The following UPF3A variants were observed in gnomAD, a reference collection of about 807,000 sequenced individuals.
UPF3A encodes the protein regulator of nonsense transcripts 3A.
In UPF3A, 42 loss-of-function variants were observed where a neutral mutation model predicts 53.5. The observed-to-expected ratio is 0.78, with a 90% CI of 0.61 to 1.01. The LOEUF (loss-of-function observed/expected upper bound fraction) is 1.01, where lower values mean the gene tolerates loss of function less well. Among genes scored for constraint, UPF3A ranks in the 50% least tolerant of loss-of-function variants. UPF3A has a pLI of 0.00. For synonymous variants in UPF3A, 237 were observed against 225.3 expected (o/e 1.05, Z -0.47); for missense variants, 575 against 598.0 (o/e 0.96, Z 0.40).
At chr13:114,302,613 C>T (rs889649497) in intron 9 of UPF3A, among the ~76,000 whole-genome samples, 1 of 152,216 alleles carries the variant, frequency 6.6e-6, no homozygotes, top group Admixed American at 6.5e-5. Flanking sequence ...TTCCAGTTCC[C>T]ACTCACCTCC....
At chr13:114,282,533 A>G (rs1274716632) in intron 2 of UPF3A, 1 of 985,300 alleles carries the variant, frequency 1.0e-6, no homozygotes, top group Non-Finnish European at 1.2e-6. Context: ...GAAGGTCCCC[A>G]AGTCAGGAGA....
intron 7 of UPF3A, among the ~76,000 whole-genome samples, chr13:114,295,747 G>A (rs560050599): frequency 6.4e-4 from 97 of 152,276 alleles, no homozygotes; most frequent in African/African-American, 2.0e-3. Context: ...TGCATCAGGC[G>A]CAAGTTCCTT....
chr13:114,299,207 G>T (rs28539632), intron 8 of UPF3A, among the ~76,000 whole-genome samples: 1 of 152,106 alleles, frequency 6.6e-6, no homozygotes, highest in Admixed American at 6.6e-5. Context: ...TCTTCAGATC[G>T]GGAGTTTCTT....
intron 7 of UPF3A, among the ~76,000 whole-genome samples, chr13:114,298,107 C>T (rs1298035850): frequency 6.6e-6 from 1 of 152,150 alleles, no homozygotes; most frequent in African/African-American, 2.4e-5. Flanking sequence ...CACGGTGGCT[C>T]ACGCCCATAA....
chr13:114,294,696 A>G (rs1454888177), intron 7 of UPF3A, among the ~76,000 whole-genome samples: 4 of 149,114 alleles, frequency 2.7e-5, no homozygotes, highest in Non-Finnish European at 5.9e-5. Flanking sequence ...GTGGTGGCAC[A>G]CGCCTGTAGT....
chr13:114,299,571 T>C (rs1490706349), intron 8 of UPF3A, among the ~76,000 whole-genome samples: 1 of 152,206 alleles, frequency 6.6e-6, no homozygotes, highest in Non-Finnish European at 1.5e-5. Flanking sequence ...GGTCCTCCCT[T>C]TTTCTTTTCC....
At chr13:114,289,967 T>A (rs1241256579) in intron 5 of UPF3A, among the ~76,000 whole-genome samples, 1 of 152,208 alleles carries the variant, frequency 6.6e-6, no homozygotes, top group Non-Finnish European at 1.5e-5. Flanking sequence ...GCCCGGCTCC[T>A]GGCTGACAAG....
rs2084036950 is a variant in UPF3A at position 114,281,815 on chromosome 13, C to T, written c.176C>T (p.Pro59Leu). Residue 59 changes from proline (P) to leucine (L), a missense_variant, in exon 1 of 10, where the codon CCT becomes CTT. Pro to Leu is a moderately conservative substitution (Grantham distance 98). Around this residue, in one of 2 missense-constraint regions of UPF3A, gnomAD observed 252 missense variants for 182.7 expected, o/e 1.38. Coordinates refer to ENST00000375299, the MANE Select transcript of UPF3A (RefSeq NM_023011.4). The stretch of plus-strand genomic sequence containing the variant: ...GGTTGCGGGGGCGGTGCGGGCAAAC[C>T]TCGCGAGGAGAAGAGGACGGCCCTG... ...SSGCGGGAGK[P>L]REEKRTALSK... is the part of the protein sequence containing the mutation. 1.3e-6 allele frequency: 2 copies of T among 1,545,994 alleles called. No individual in the cohort carries two copies. The highest frequency in any genetic ancestry group is 1.4e-5 in the African/African-American group (1 of 72,236).
chr13:114,288,862 G>A (rs2084996762), intron 5 of UPF3A, among the ~76,000 whole-genome samples: 1 of 152,144 alleles, frequency 6.6e-6, no homozygotes, highest in African/African-American at 2.4e-5. Flanking sequence ...TTTCACTTAA[G>A]AACTTGATAA....
In UPF3A at chr13:114,281,745, G is replaced by C. The variant is rs745703632; in HGVS notation, c.106G>C (p.Asp36His). 1.3e-5 allele frequency: 21 copies of C among 1,558,000 alleles called. No individual in the cohort carries two copies. In the South Asian group the frequency reaches 2.2e-4, roughly 17 times the overall value. Residue 36 changes from aspartate (D) to histidine (H), a missense_variant, in exon 1 of 10, where the codon GAC becomes CAC. Around this residue, in one of 2 missense-constraint regions of UPF3A, gnomAD observed 252 missense variants for 182.7 expected, o/e 1.38. Transcript: ENST00000375299. ...LSALEVQFHR[D>H]SQQQEAETPP... Reference sequence around the variant, plus strand: ...GGCCCTAGAAGTGCAGTTCCACCGCGACTCGCAGCAGCAGGAGGCTGAGAC... The same window carrying C: ...GGCCCTAGAAGTGCAGTTCCACCGCCACTCGCAGCAGCAGGAGGCTGAGAC...
intron 7 of UPF3A, among the ~76,000 whole-genome samples, chr13:114,294,509 C>T (rs940758794): frequency 2.0e-5 from 3 of 152,154 alleles, no homozygotes; most frequent in African/African-American, 7.2e-5. Flanking sequence ...AGTGATCCTC[C>T]CACTGCTGGG....
chr13:114,295,111 CAAAAAA>C, intron 7 of UPF3A, among the ~76,000 whole-genome samples: 1 of 85,404 alleles, frequency 1.2e-5, no homozygotes, highest in South Asian at 3.8e-4. Flanking sequence ...GACTCCGTCT[CAAAAAA>C]AAAAAAAAAA....
At chr13:114,299,959 A>G (rs146187359) in intron 8 of UPF3A, among the ~76,000 whole-genome samples, 163 of 152,236 alleles carry the variant, frequency 1.1e-3, no homozygotes, top group African/African-American at 3.7e-3. Flanking sequence ...TATTTTTTCT[A>G]CTTCTTGGGA....
chr13:114,296,329 CCG>C (rs2086015228), intron 7 of UPF3A, among the ~76,000 whole-genome samples: 1 of 152,074 alleles, frequency 6.6e-6, no homozygotes, highest in African/African-American at 2.4e-5. Context: ...GTACAGTGAG[CCG>C]AGATCGCGTC....
At chr13:114,299,623 C>T (rs908897619) in intron 8 of UPF3A, among the ~76,000 whole-genome samples, 2 of 152,234 alleles carry the variant, frequency 1.3e-5, no homozygotes. Context: ...GGGAGCTCAT[C>T]TGCGAAAGGG....
At chr13:114,282,691 A>G (rs1186480397) in intron 2 of UPF3A, 146 bp from the exon 3 acceptor site, 1 of 1,474,084 alleles carries the variant, frequency 6.8e-7, no homozygotes, top group African/African-American at 1.4e-5. Flanking sequence ...GCTAAAGAAT[A>G]TCCAAGTTGT....
intron 3 of UPF3A, chr13:114,285,893 T>G (rs1222352442): frequency 1.2e-5 from 2 of 163,622 alleles, no homozygotes; most frequent in Admixed American, 1.2e-4. Context: ...ATTCCAACGA[T>G]AAATTATTTG....
intron 2 of UPF3A, 70 bp from the exon 3 acceptor site, chr13:114,282,767 G>A (rs974849130): frequency 1.0e-5 from 16 of 1,554,832 alleles, no homozygotes; most frequent in African/African-American, 2.8e-5. Context: ...CCCAGAAAAG[G>A]AAAAAGAGGC....
chr13:114,298,589 C>A (rs1348101830), intron 7 of UPF3A, among the ~76,000 whole-genome samples: 1 of 152,082 alleles, frequency 6.6e-6, no homozygotes, highest in Non-Finnish European at 1.5e-5. Context: ...GTTTTTTAGC[C>A]CTTTATTCAT....
Sources: allele counts gnomAD v4.1 joint callset (sites outside exome capture counted in the v4.1 genomes callset), GRCh38; gene constraint gnomAD v4.1.1; regional missense constraint gnomAD v4.1.1; transcripts MANE v1.5; gene names NCBI Gene and HGNC (gene_info 2026-07-23, HGNC 2026-07-21).